ZNF782: variants seen among roughly 807,000 people sequenced by gnomAD.
ZNF782 encodes zinc finger protein 782.
Under a neutral mutation model 13.0 loss-of-function variants are expected in ZNF782, and 12 were observed. That is an observed-to-expected ratio of 0.92 (90% CI 0.59 to 1.50). The LOEUF is 1.50. Among genes scored for constraint, ZNF782 ranks in the 40% most tolerant of loss-of-function variants. ZNF782 has a pLI of 0.00. For missense variants in ZNF782, 770 were observed against 822.9 expected (o/e 0.94, Z 0.79); for synonymous variants, 284 against 283.0 (o/e 1.00, Z -0.04).
At chr9:96,917,855 C>T in the ZNF782 span, among the ~76,000 whole-genome samples, 1 of 146,826 alleles carries the variant, frequency 6.8e-6, no homozygotes, top group Non-Finnish European at 1.5e-5. Flanking sequence ...TCCTGAGTAG[C>T]TGGGATTACA....
intron 3 of ZNF782, among the ~76,000 whole-genome samples, chr9:96,851,307 T>C (rs1358640928): frequency 6.6e-6 from 1 of 152,192 alleles, no homozygotes; most frequent in Non-Finnish European, 1.5e-5. Context: ...AATGAACTAA[T>C]ACATTTATTC....
chr9:96,860,012 G>T (rs996661908), intron 3 of ZNF782, among the ~76,000 whole-genome samples: 1 of 152,150 alleles, frequency 6.6e-6, no homozygotes, highest in African/African-American at 2.4e-5. Context: ...TGATGACGTC[G>T]TAGGTGGGAA....
chr9:96,931,726 C>T, the ZNF782 span: 116 of 1,611,418 alleles, frequency 7.2e-5, no homozygotes, highest in Non-Finnish European at 9.3e-5. Context: ...CCACAGCATA[C>T]CCAGTGCTGG....
At chr9:96,926,704 G>A in the ZNF782 span, among the ~76,000 whole-genome samples, 2 of 152,172 alleles carry the variant, frequency 1.3e-5, no homozygotes, top group Non-Finnish European at 2.9e-5. Flanking sequence ...CCCAGGCAAG[G>A]AGGGGAGAAC....
chr9:96,882,998 G>A, the ZNF782 span, among the ~76,000 whole-genome samples: 2 of 149,940 alleles, frequency 1.3e-5, no homozygotes, highest in Non-Finnish European at 2.9e-5. Context: ...ACACCACACT[G>A]GCTGTCATGA....
chr9:96,840,086 C>A (rs898901934), intron 4 of ZNF782, among the ~76,000 whole-genome samples: 6 of 152,106 alleles, frequency 3.9e-5, no homozygotes, highest in African/African-American at 1.4e-4. Flanking sequence ...CAAAAAATTA[C>A]ATTTCTTAGC....
chr9:96,930,351 C>T, the ZNF782 span, among the ~76,000 whole-genome samples: 1 of 152,116 alleles, frequency 6.6e-6, no homozygotes, highest in Non-Finnish European at 1.5e-5. Flanking sequence ...TGGTGAAACC[C>T]CGTCTCTACT....
chr9:96,837,489 G>T (rs554967166), intron 4 of ZNF782, among the ~76,000 whole-genome samples: 12 of 151,772 alleles, frequency 7.9e-5, no homozygotes, highest in African/African-American at 2.7e-4. Context: ...AAAGAACTTT[G>T]GTTTCATTGA....
chr9:96,909,996 T>C, the ZNF782 span: 14 of 509,334 alleles, frequency 2.7e-5, 1 homozygote, highest in Non-Finnish European at 5.3e-5. Flanking sequence ...CACCGCAGAC[T>C]CTGGCAGCTT....
the ZNF782 span, chr9:96,931,887 G>A: frequency 2.5e-6 from 4 of 1,612,358 alleles, no homozygotes; most frequent in South Asian, 2.2e-5. Context: ...GCCTTCCCCA[G>A]CACCCCTCTA....
the ZNF782 span, among the ~76,000 whole-genome samples, chr9:96,921,277 G>A: frequency 6.8e-5 from 10 of 147,658 alleles, 1 homozygote; most frequent in African/African-American, 2.5e-4. Context: ...ACGCCTGTAT[G>A]TAATCCCAGC....
At chr9:96,911,825 A>T in the ZNF782 span, among the ~76,000 whole-genome samples, 1 of 151,960 alleles carries the variant, frequency 6.6e-6, no homozygotes, top group East Asian at 1.9e-4. Flanking sequence ...CAGCCCTGAA[A>T]AACAATCTTA....
chr9:96,890,728 T>A, the ZNF782 span: 1 of 152,256 alleles, frequency 6.6e-6, no homozygotes, highest in Non-Finnish European at 1.5e-5. Context: ...CTGGTTTGGA[T>A]GTAAAATGTT....
chr9:96,819,851 T>C, intron 5 of ZNF782, 73 bp from the exon 6 acceptor site: 1 of 1,203,262 alleles, frequency 8.3e-7, no homozygotes, highest in Non-Finnish European at 1.1e-6. Context: ...TATATGTATA[T>C]ATATGCCCTA....
upstream of ZNF782, among the ~76,000 whole-genome samples, chr9:96,875,836 C>A (rs1166184817): frequency 2.6e-5 from 4 of 152,234 alleles, no homozygotes; most frequent in Admixed American, 2.6e-4. Flanking sequence ...ACCCAAGGGC[C>A]CCGGGACCAC....
chr9:96,840,180 A>G (rs1851144255), intron 4 of ZNF782, among the ~76,000 whole-genome samples: 1 of 152,142 alleles, frequency 6.6e-6, no homozygotes, highest in South Asian at 2.1e-4. Context: ...AATAATATAT[A>G]TTCACTTGGT....
the ZNF782 span, among the ~76,000 whole-genome samples, chr9:96,912,232 A>T: frequency 6.7e-6 from 1 of 148,298 alleles, no homozygotes. Flanking sequence ...CTAACTAAAA[A>T]ACAGGCCAGG....
At chr9:96,890,206 A>C in the ZNF782 span, 1 of 152,458 alleles carries the variant, frequency 6.6e-6, no homozygotes, top group South Asian at 2.1e-4. Context: ...CAGGTCCCGC[A>C]GGGGAAGAGA....
the ZNF782 span, among the ~76,000 whole-genome samples, chr9:96,906,052 T>G: frequency 6.6e-6 from 1 of 152,376 alleles, no homozygotes. Flanking sequence ...ACTGTTGTCA[T>G]GAGAATGTAA....
Sources: gnomAD v4.1 joint callset for allele counts (sites outside exome capture counted in the v4.1 genomes callset) on GRCh38, gnomAD v4.1.1 for gene constraint, MANE v1.5 for transcripts, NCBI Gene and HGNC (gene_info 2026-07-23, HGNC 2026-07-21) for gene names.